The following GRID2 variants were observed in gnomAD, a reference collection of about 807,000 sequenced individuals.
GRID2 encodes the protein glutamate ionotropic receptor delta type subunit 2, also known as glutamate receptor ionotropic, delta-2.
In GRID2, 33 loss-of-function variants were observed where a neutral mutation model predicts 114.8. The ratio of observed to expected loss-of-function variants is 0.29; its 90% CI spans 0.22 to 0.38. GRID2 has a LOEUF of 0.38. Ranked by LOEUF, GRID2 falls within the 10% of genes least tolerant of loss-of-function variation. The pLI is 1.00. For synonymous variants in GRID2, 505 were observed against 449.9 expected (o/e 1.12, Z -1.55); for missense variants, 1,184 against 1,257.7 (o/e 0.94, Z 0.89).
intron 2 of GRID2, among the ~76,000 whole-genome samples, chr4:93,011,422 A>G (rs559412122): frequency 2.0e-5 from 3 of 152,096 alleles, no homozygotes; most frequent in Admixed American, 6.6e-5. Flanking sequence ...TCTTCTCCCC[A>G]GAGGTGTTGT....
At chr4:93,343,144 G>C (rs1759831969) in intron 8 of GRID2, among the ~76,000 whole-genome samples, 1 of 17,808 alleles carries the variant, frequency 5.6e-5, no homozygotes, top group Non-Finnish European at 1.0e-4. Flanking sequence ...TGAGGTGACT[G>C]TGTGTGTGTG....
intron 1 of GRID2, among the ~76,000 whole-genome samples, chr4:92,427,038 T>G (rs1474231014): frequency 6.6e-6 from 1 of 152,172 alleles, no homozygotes; most frequent in Non-Finnish European, 1.5e-5. Context: ...TACTAGGAAC[T>G]CAGATCACAT....
chr4:92,491,415 C>G (rs1723141549), intron 1 of GRID2, among the ~76,000 whole-genome samples: 1 of 152,040 alleles, frequency 6.6e-6, no homozygotes, highest in African/African-American at 2.4e-5. Context: ...CTAACATAAG[C>G]CTTCTTGTGT....
At chr4:93,530,306 A>G (rs2149512564) in intron 13 of GRID2, among the ~76,000 whole-genome samples, 1 of 152,252 alleles carries the variant, frequency 6.6e-6, no homozygotes, top group African/African-American at 2.4e-5. Context: ...CTAGCATTCA[A>G]AAGTCTCTAT....
chr4:93,257,530 A>G (rs750462110), intron 8 of GRID2, among the ~76,000 whole-genome samples: 5 of 151,776 alleles, frequency 3.3e-5, no homozygotes, highest in Non-Finnish European at 5.9e-5. Flanking sequence ...GATTGTTTCT[A>G]TAGATAGAAG....
At chr4:92,405,960 G>A (rs948215017) in intron 1 of GRID2, among the ~76,000 whole-genome samples, 4 of 152,168 alleles carry the variant, frequency 2.6e-5, no homozygotes, top group African/African-American at 9.6e-5. Context: ...AGGAGAGCCA[G>A]TCTGAGTCCC....
chr4:92,833,561 C>T (rs1049817675), intron 2 of GRID2: 1 of 152,002 alleles, frequency 6.6e-6, no homozygotes, highest in East Asian at 1.9e-4. Context: ...TCATATATGC[C>T]CTACCTAACA....
At chr4:93,458,549 G>T (rs2149416129) in intron 11 of GRID2, among the ~76,000 whole-genome samples, 1 of 152,220 alleles carries the variant, frequency 6.6e-6, no homozygotes, top group Non-Finnish European at 1.5e-5. Context: ...TTATGTTCCA[G>T]GTTGGGAGTC....
At chr4:92,609,364 C>T (rs1214771722) in intron 2 of GRID2, among the ~76,000 whole-genome samples, 1 of 151,178 alleles carries the variant, frequency 6.6e-6, no homozygotes, top group African/African-American at 2.4e-5. Flanking sequence ...CAATATCTTG[C>T]TCTCTGGGAA....
chr4:92,935,779 G>T lies in GRID2; in HGVS notation c.245-149216G>T, dbSNP rs182934299. ...AAATTATCATTCTGAGTAAACTATCGCAAGGACAAAAAACCAAACACTGCA... is the reference window on the plus strand; with the variant it reads ...AAATTATCATTCTGAGTAAACTATCTCAAGGACAAAAAACCAAACACTGCA... On this transcript the variant is annotated intron_variant, in intron 2 of 15. Coordinates refer to ENST00000282020, the MANE Select transcript of GRID2 (RefSeq NM_001510.4). Among the ~76,000 whole-genome samples, 21 of 144,774 alleles carry T rather than the reference G, an allele frequency of 1.5e-4. 3 individuals are homozygous for T. The East Asian group carries it at 2.7e-3, about 18-fold the overall frequency. The allele number at this position is 144,774 out of a possible 152,430, so 95.0% of individuals were successfully genotyped here.
intron 14 of GRID2, among the ~76,000 whole-genome samples, chr4:93,760,247 G>A (rs1733093895): frequency 6.6e-6 from 1 of 152,102 alleles, no homozygotes; most frequent in Admixed American, 6.6e-5. Flanking sequence ...TCATGCATGT[G>A]TTTATTTTTG....
chr4:93,355,582 C>T (rs1761256954), intron 8 of GRID2, among the ~76,000 whole-genome samples: 1 of 152,174 alleles, frequency 6.6e-6, no homozygotes, highest in Non-Finnish European at 1.5e-5. Context: ...CTGCTATGTC[C>T]TCTTAGTTAA....
intron 6 of GRID2, among the ~76,000 whole-genome samples, chr4:93,224,000 T>A (rs933788483): frequency 2.0e-5 from 3 of 152,176 alleles, no homozygotes; most frequent in Non-Finnish European, 4.4e-5. Context: ...TTATGGTATT[T>A]GTGAAATCAA....
chr4:93,402,250 T>C lies in GRID2; in HGVS notation c.1347+6542T>C, dbSNP rs557230367. ...CAGTCAAAAGGTATGACTTTTAGTA[T>C]CGTACTAGTTTTTCTGCTTAATTGA... On this transcript the variant is annotated intron_variant, in intron 9 of 15. Transcript: ENST00000282020. 5.1e-4 allele frequency among the ~76,000 whole-genome samples: 77 copies of C among 152,246 alleles called. No homozygotes were observed. The South Asian group carries it at 0.015, about 30-fold the overall frequency.
chr4:92,459,346 G>A (rs1374438391), intron 1 of GRID2, among the ~76,000 whole-genome samples: 1 of 152,116 alleles, frequency 6.6e-6, no homozygotes. Flanking sequence ...ACATCCTGAA[G>A]TGTATTATAT....
In GRID2 at chr4:92,844,415, C is replaced by T. The variant is rs1470825530; in HGVS notation, c.245-240580C>T. Among the ~76,000 whole-genome samples, 6 of 151,822 alleles carry T rather than the reference C, an allele frequency of 4.0e-5. No homozygotes were observed. In the South Asian group the frequency reaches 8.3e-4, roughly 21 times the overall value. Reference sequence around the variant, plus strand: ...ATTAGCCAAGCGTGGTGGCAGGCGACGTAATCCCAGTTACTCAGGAGGCTG... The same window carrying T: ...ATTAGCCAAGCGTGGTGGCAGGCGATGTAATCCCAGTTACTCAGGAGGCTG... On this transcript the variant is annotated intron_variant, in intron 2 of 15. Transcript: ENST00000282020.
In GRID2 at chr4:93,238,464, G is replaced by A. The variant is rs182825622; in HGVS notation, c.1219G>A (p.Glu407Lys). The change falls in exon 8 of 16, where the codon GAA becomes AAA. Residue 407 changes from glutamate (E) to lysine (K), a missense_variant. Transcript: ENST00000282020. The stretch of plus-strand genomic sequence containing the variant: ...TGAAATCCTTGGAACCAACTATGGA[G>A]AAGAGCTTGGCAGAGGTGTTCGAAA... ...HFEILGTNYG[E>K]ELGRGVRKLG... is the part of the protein sequence containing the mutation. The A allele has an allele frequency of 9.3e-6, 15 of 1,610,056 alleles. No individual in the cohort carries two copies. Among genetic ancestry groups the A allele is most frequent in the African/African-American group, 2.7e-5 (2 of 74,884 alleles).
chr4:92,475,208 G>A (rs1722246125), intron 1 of GRID2, among the ~76,000 whole-genome samples: 2 of 150,616 alleles, frequency 1.3e-5, no homozygotes, highest in African/African-American at 4.9e-5. Flanking sequence ...AAAAATTGTT[G>A]CCTGTGTTTT....
At chr4:92,901,301 T>G (rs2149480596) in intron 2 of GRID2, among the ~76,000 whole-genome samples, 1 of 152,354 alleles carries the variant, frequency 6.6e-6, no homozygotes, top group African/African-American at 2.4e-5. Context: ...CTTGTGGTTT[T>G]AATTTTCATT....
Sources: gnomAD v4.1 joint callset for allele counts (sites outside exome capture counted in the v4.1 genomes callset) on GRCh38, gnomAD v4.1.1 for gene constraint, MANE v1.5 for transcripts, NCBI Gene and HGNC (gene_info 2026-07-23, HGNC 2026-07-21) for gene names.